Variants in CRX observed in about 807,000 individuals in gnomAD.
CRX encodes cone-rod homeobox protein.
In CRX, 5 loss-of-function variants were observed where a neutral mutation model predicts 13.1. That is an observed-to-expected ratio of 0.38 (90% CI 0.20 to 0.80). The LOEUF is 0.80. CRX is among the 30% of genes least tolerant of loss of function. The pLI is 0.43. For missense variants in CRX, 351 were observed against 391.8 expected, an observed-to-expected ratio of 0.90 and a Z score of 0.88; for synonymous variants, 179 against 171.1, an observed-to-expected ratio of 1.05 and a Z score of -0.36.
At position 47,839,840 on chromosome 19, in the gene CRX, A is replaced by G. The variant is rs1968173103; in HGVS notation, c.773A>G (p.Tyr258Cys). ...QSPTSLSGQS[Y>C]GAYSPVDSLE... is the part of the protein sequence containing the mutation. ...CCCACCTCCCTATCAGGCCAGAGCT[A>G]TGGCGCCTACAGCCCCGTGGATAGC... The change falls in exon 4 of 4, where the codon TAT (tyrosine) becomes TGT (cysteine). Residue 258 changes from tyrosine (Y) to cysteine (C), a missense_variant. Coordinates refer to ENST00000221996, the MANE Select transcript of CRX (RefSeq NM_000554.6). This position sits in a 1 kb window ranked among gnomAD's most constrained non-coding sequence, Gnocchi z 4.6. 1.2e-6 allele frequency: 2 copies of G among 1,613,820 alleles called. No homozygotes were observed. Among genetic ancestry groups the G allele is most frequent in the African/African-American group, 1.3e-5 (1 of 74,824 alleles).
chr19:47,831,514 G>A (rs1461334219), intron 1 of CRX, among the ~76,000 whole-genome samples: 1 of 151,860 alleles, frequency 6.6e-6, no homozygotes, highest in Non-Finnish European at 1.5e-5. Flanking sequence ...CTGCACGTGC[G>A]AGAGATCTAG....
At position 47,839,497 on chromosome 19, in the gene CRX, C is replaced by T; in HGVS notation, c.430C>T (p.Pro144Ser). 6.2e-7 allele frequency: 1 copy of T among 1,613,952 alleles called. No individual in the cohort carries two copies. The highest frequency in any genetic ancestry group is 8.5e-7 in the Non-Finnish European group (1 of 1,179,930). ...DPLGISDSYS[P>S]PLPGPSGSPT... ...TCTGGGCATCTCAGATTCCTACAGTCCCCCTCTGCCCGGCCCCTCAGGCTC... is the reference window on the plus strand; with the variant it reads ...TCTGGGCATCTCAGATTCCTACAGTTCCCCTCTGCCCGGCCCCTCAGGCTC... Residue 144 changes from proline (P) to serine (S), a missense_variant, in exon 4 of 4, where the codon CCC becomes TCC. By Grantham distance (74) the Pro-to-Ser change is moderately conservative. This residue lies in a region of CRX where 253 missense variants were observed against 268.3 expected (regional missense o/e 0.94). Coordinates refer to ENST00000221996, the MANE Select transcript of CRX (RefSeq NM_000554.6). This position sits in a 1 kb window ranked among gnomAD's most constrained non-coding sequence, Gnocchi z 4.6.
In CRX at chr19:47,839,447, C is replaced by T; in HGVS notation, c.380C>T (p.Pro127Leu). 6.2e-7 allele frequency: 1 copy of T among 1,613,958 alleles called. No individual in the cohort carries two copies. Among genetic ancestry groups the T allele is most frequent in the South Asian group, 1.1e-5 (1 of 91,086 alleles). ...AKRKAGTSPRPSTDVCPDPLG... is the reference protein window; with the variant it reads ...AKRKAGTSPRLSTDVCPDPLG... ...AGGAAGGCGGGCACGTCCCCAAGAC[C>T]CTCCACAGATGTGTGTCCAGACCCT... The change falls in exon 4 of 4, where the codon CCC becomes CTC. Residue 127 changes from proline (P) to leucine (L), a missense_variant. Around this residue, in one of 3 missense-constraint regions of CRX, gnomAD observed 253 missense variants for 268.3 expected, o/e 0.94. Transcript: ENST00000221996. The surrounding 1 kb of genome is among the most constrained non-coding windows in gnomAD (Gnocchi z 4.6).
At chr19:47,838,490 A>G (rs73574797) in intron 3 of CRX, among the ~76,000 whole-genome samples, 45,908 of 152,010 alleles carry the variant, frequency 0.3, 7,713 homozygotes, top group African/African-American at 0.44. Context: ...GATCAGATGG[A>G]TGGATGAATG....
intron 1 of CRX, 144 bp from the exon 2 acceptor site, chr19:47,834,265 G>A (rs1250246365): frequency 7.6e-6 from 5 of 653,996 alleles, no homozygotes; most frequent in Non-Finnish European, 1.4e-5. Context: ...TACATGTGAG[G>A]ACACAGAGGT....
At chr19:47,829,963 G>T (rs1229322037) in intron 1 of CRX, among the ~76,000 whole-genome samples, 1 of 151,124 alleles carries the variant, frequency 6.6e-6, no homozygotes, top group Non-Finnish European at 1.5e-5. Context: ...ATCACAAATG[G>T]TTGCGAGGTA....
chr19:47,827,536 GC>G (rs565358326), intron 1 of CRX, among the ~76,000 whole-genome samples: 1 of 108,842 alleles, frequency 9.2e-6, no homozygotes, highest in African/African-American at 3.4e-5. Context: ...CTTTCTGAAG[GC>G]TTTTTTTTTT....
rs1036208039 is a variant in CRX, at chr19:47,836,448, C to A, written c.252+54C>A. 4.4e-6 allele frequency: 7 copies of A among 1,607,878 alleles called. No individual in the cohort carries two copies. The Admixed American group carries it at 1.2e-4, about 27-fold the overall frequency. On this transcript the variant is annotated intron_variant, in intron 3 of 3. Coordinates refer to ENST00000221996, the MANE Select transcript of CRX (RefSeq NM_000554.6). ...CGACACTTCCTGTGATCTCAGGAGGCCTGCCCGGAACAAAGAGTGATGGGA... is the reference window on the plus strand; with the variant it reads ...CGACACTTCCTGTGATCTCAGGAGGACTGCCCGGAACAAAGAGTGATGGGA...
Position 47,839,172 on chromosome 19 carries a change from G to C in CRX, c.253-148G>C. The C allele has an allele frequency of 1.2e-6, 1 of 800,142 alleles. No individual in the cohort carries two copies. The allele number at this position is 800,142 out of a possible 1,614,324, so 49.6% of individuals were successfully genotyped here. A position where few individuals can be genotyped will look rare whatever the true frequency, so the allele number is the denominator to read the frequency against. On this transcript the variant is annotated intron_variant, in intron 3 of 3. Transcript: ENST00000221996. The surrounding 1 kb of genome is among the most constrained non-coding windows in gnomAD (Gnocchi z 4.6). The stretch of plus-strand genomic sequence containing the variant: ...ATTGGATGGATAGATGGATGGATGG[G>C]TGAATAGACGCCCCACAGCTGGATG...
At position 47,839,454 on chromosome 19, in the gene CRX, A is replaced by G. The variant is rs1568626074; in HGVS notation, c.387A>G (p.Thr129=). ...CGGGCACGTCCCCAAGACCCTCCAC[A>G]GATGTGTGTCCAGACCCTCTGGGCA... is the stretch of plus-strand genomic sequence containing the variant. ...RKAGTSPRPS[T]DVCPDPLGIS... is the part of the protein sequence containing the mutation. The change falls in exon 4 of 4, where the codon ACA becomes ACG. Residue 129 remains threonine (T), a synonymous_variant. Coordinates refer to ENST00000221996, the MANE Select transcript of CRX (RefSeq NM_000554.6). The surrounding 1 kb of genome is among the most constrained non-coding windows in gnomAD (Gnocchi z 4.6). 1.2e-6 allele frequency: 2 copies of G among 1,613,954 alleles called. No homozygotes were observed. The highest frequency in any genetic ancestry group is 1.7e-6 in the Non-Finnish European group (2 of 1,179,900).
rs562200454 is a variant in CRX at position 47,841,439 on chromosome 19, T to C, written c.*1472T>C. The C allele has an allele frequency of 2.0e-5, 3 of 152,228 alleles. No homozygotes were observed. The highest frequency in any genetic ancestry group is 4.4e-5 in the Non-Finnish European group (3 of 68,018). The allele number at this position is 152,228 out of a possible 1,614,324, so 9.4% of individuals were successfully genotyped here. A position where few individuals can be genotyped will look rare whatever the true frequency, so the allele number is the denominator to read the frequency against. On this transcript the variant is annotated 3_prime_UTR_variant, in exon 4 of 4. Transcript: ENST00000221996. ...GTAGCTGCTTGGGACGTACCACCTA[T>C]AGTTGTGGCTATTTCACAGAGAAGC...
rs903901600 is a variant in CRX, at chr19:47,839,532, G to A, written c.465G>A (p.Thr155=). The change falls in exon 4 of 4, where the codon ACG becomes ACA. Residue 155 remains threonine, a synonymous_variant. Coordinates refer to ENST00000221996, the MANE Select transcript of CRX (RefSeq NM_000554.6). This position sits in a 1 kb window ranked among gnomAD's most constrained non-coding sequence, Gnocchi z 4.6. The part of the protein sequence containing the change: ...PLPGPSGSPT[T]AVATVSIWSP... ...CCGGCCCCTCAGGCTCCCCAACCAC[G>A]GCAGTGGCCACTGTGTCCATCTGGA... The A allele has an allele frequency of 1.3e-5, 21 of 1,613,372 alleles. No homozygotes were observed. The highest frequency in any genetic ancestry group is 2.2e-5 in the East Asian group (1 of 44,864).
chr19:47,823,849 C>T (rs1334727430), intron 1 of CRX, among the ~76,000 whole-genome samples: 2 of 152,016 alleles, frequency 1.3e-5, no homozygotes, highest in Non-Finnish European at 2.9e-5. Flanking sequence ...GGGGTTTCAC[C>T]TTGTTAGCCA....
chr19:47,824,434 T>C (rs933236794), intron 1 of CRX, among the ~76,000 whole-genome samples: 3 of 152,192 alleles, frequency 2.0e-5, no homozygotes, highest in Non-Finnish European at 2.9e-5. Flanking sequence ...AGACTACACT[T>C]CTCTCAGCCT....
intron 1 of CRX, among the ~76,000 whole-genome samples, chr19:47,833,127 G>T (rs1968074430): frequency 6.7e-6 from 1 of 148,510 alleles, no homozygotes; most frequent in Non-Finnish European, 1.5e-5. Context: ...TTCAGAGATG[G>T]GGGTCTCACT....
Position 47,841,853 on chromosome 19 carries a change from G to C in CRX, c.*1886G>C, listed in dbSNP as rs372298545. ...TTCATTGGTGGAGTTCACAAGGCAA[G>C]GTGTAAAAAAAAAAGTAGGGCAGGA... On this transcript the variant is annotated 3_prime_UTR_variant, in exon 4 of 4. Coordinates refer to ENST00000221996, the MANE Select transcript of CRX (RefSeq NM_000554.6). 1 of 129,438 alleles carries C rather than the reference G, an allele frequency of 7.7e-6. No individual in the cohort carries two copies. The highest frequency in any genetic ancestry group is 1.8e-5 in the Non-Finnish European group (1 of 56,260). The allele number at this position is 129,438 out of a possible 1,614,324, so 8.0% of individuals were successfully genotyped here. A position where few individuals can be genotyped will look rare whatever the true frequency, so the allele number is the denominator to read the frequency against.
rs547147791 is a variant in CRX at position 47,843,197 on chromosome 19, A to C, written c.*3230A>C. The C allele has an allele frequency of 1.3e-5, 2 of 152,488 alleles. No individual in the cohort carries two copies. The highest frequency in any genetic ancestry group is 4.1e-4 in the South Asian group (2 of 4,834). The allele number at this position is 152,488 out of a possible 1,614,324, so 9.4% of individuals were successfully genotyped here. On this transcript the variant is annotated 3_prime_UTR_variant, in exon 4 of 4. Transcript: ENST00000221996. ...GAGTGACAAGGCAGGTGGGGACAGAAGGAAGAAGCCAGGAGCCTCCCTGAG... is the reference window on the plus strand; with the variant it reads ...GAGTGACAAGGCAGGTGGGGACAGACGGAAGAAGCCAGGAGCCTCCCTGAG...
chr19:47,827,620 C>G (rs1212725636), intron 1 of CRX, among the ~76,000 whole-genome samples: 1 of 141,982 alleles, frequency 7.0e-6, no homozygotes, highest in African/African-American at 2.6e-5. Flanking sequence ...CTCACTGCAA[C>G]CTCCGCCTCC....
rs200074259 is a variant in CRX at position 47,840,402 on chromosome 19, TG to T, written c.*436del. ...TCCACGTGGACAGAATTTTTTTTTTTGTTTTGTTTTTGTTTTGCAGACACAG... is the reference window on the plus strand; with the variant it reads ...TCCACGTGGACAGAATTTTTTTTTTTTTTTGTTTTTGTTTTGCAGACACAG... On this transcript the variant is annotated 3_prime_UTR_variant, in exon 4 of 4. Transcript: ENST00000221996. The T allele has an allele frequency of 2.0e-4, 44 of 217,240 alleles. No homozygotes were observed. Among genetic ancestry groups the T allele is most frequent in the East Asian group, 1.9e-3 (16 of 8,274 alleles). The allele number at this position is 217,240 out of a possible 1,614,324, so 13.5% of individuals were successfully genotyped here. A position where few individuals can be genotyped will look rare whatever the true frequency, so the allele number is the denominator to read the frequency against.
Sources: allele counts gnomAD v4.1 joint callset (sites outside exome capture counted in the v4.1 genomes callset), GRCh38; gene constraint gnomAD v4.1.1; regional missense constraint gnomAD v4.1.1; non-coding constraint Gnocchi (gnomAD v3.1); transcripts MANE v1.5; gene names NCBI Gene and HGNC (gene_info 2026-07-23, HGNC 2026-07-21).